ZNF347: variants seen among roughly 807,000 people sequenced by gnomAD.
ZNF347 encodes the protein zinc finger protein 347.
A neutral mutation model predicts 12.9 loss-of-function variants in ZNF347; 19 were observed. The ratio of observed to expected loss-of-function variants is 1.47; its 90% CI spans 1.03 to 2.16. The LOEUF is 2.16. Ranked by LOEUF, ZNF347 falls within the 30% of genes most tolerant of loss-of-function variation. ZNF347 has a pLI of 0.00. For synonymous variants in ZNF347, 328 were observed against 340.6 expected (o/e 0.96, Z 0.41); for missense variants, 1,005 against 990.6 (o/e 1.01, Z -0.19).
At position 53,136,345 on chromosome 19, in the gene ZNF347, A is replaced by G. The variant is rs937822568; in HGVS notation, c.*3963T>C. The G allele has an allele frequency of 2.6e-5, 4 of 152,066 alleles. No homozygotes were observed. The highest frequency in any genetic ancestry group is 9.7e-5 in the African/African-American group (4 of 41,400). 9.4% of individuals were successfully genotyped at this position (152,066 alleles called of 1,614,324 possible). A position where few individuals can be genotyped will look rare whatever the true frequency, so the allele number is the denominator to read the frequency against. On this transcript the variant is annotated 3_prime_UTR_variant, in exon 5 of 5. Coordinates refer to ENST00000334197, the MANE Select transcript of ZNF347 (RefSeq NM_032584.3). ...TCATTTATGTATTTTCTAAGTGTTC[A>G]CTGGAGTAACACAGAGAAGAAATGC... is the stretch of plus-strand genomic sequence containing the variant.
chr19:53,150,076 G>T (rs997068382), intron 2 of ZNF347, among the ~76,000 whole-genome samples: 1 of 152,186 alleles, frequency 6.6e-6, no homozygotes, highest in Non-Finnish European at 1.5e-5. Flanking sequence ...AGGGGGTCAT[G>T]GGAATTCATG....
chr19:53,140,713 T>C lies in ZNF347; in HGVS notation c.2115A>G (p.Gly705=), dbSNP rs754526998. ...KLARHQRVHT[G]EKPYECNQCG... ...ACTGATTACACTCATATGGTTTCTC[T>C]CCAGTATGAACTCTCTGATGCCTTG... The change falls in exon 5 of 5, where the codon GGA becomes GGG. Residue 705 remains glycine (G), a synonymous_variant. Transcript: ENST00000334197. The C allele has an allele frequency of 6.2e-7, 1 of 1,613,552 alleles. No homozygotes were observed. The highest frequency in any genetic ancestry group is 1.1e-5 in the South Asian group (1 of 91,024).
chr19:53,139,446 C>T lies in ZNF347; in HGVS notation c.*862G>A, dbSNP rs547910515. 6.6e-6 allele frequency: 1 copy of T among 152,262 alleles called. No individual in the cohort carries two copies. The highest frequency in any genetic ancestry group is 2.1e-4 in the South Asian group (1 of 4,824). 9.4% of individuals were successfully genotyped at this position (152,262 alleles called of 1,614,324 possible). A position where few individuals can be genotyped will look rare whatever the true frequency, so the allele number is the denominator to read the frequency against. On this transcript the variant is annotated 3_prime_UTR_variant, in exon 5 of 5. Transcript: ENST00000334197. ...AAGGTGCTTAAGGATGCAAAATAGCCACAGATCCATAGTTCAGGTTGAAAG... is the reference window on the plus strand; with the variant it reads ...AAGGTGCTTAAGGATGCAAAATAGCTACAGATCCATAGTTCAGGTTGAAAG...
intron 1 of ZNF347, among the ~76,000 whole-genome samples, chr19:53,156,949 G>A (rs2090539839): frequency 1.3e-5 from 2 of 152,182 alleles, no homozygotes; most frequent in South Asian, 4.1e-4. Context: ...ACATTTTCGT[G>A]AGTGGAGGCG....
intron 1 of ZNF347, among the ~76,000 whole-genome samples, chr19:53,156,051 G>T (rs866048779): frequency 7.2e-6 from 1 of 139,666 alleles, no homozygotes; most frequent in African/African-American, 2.7e-5. Flanking sequence ...AGCTCGGGGG[G>T]GGGGGGGGGT....
Position 53,135,655 on chromosome 19 carries a change from G to A in ZNF347, c.*4653C>T, listed in dbSNP as rs1467593487. 1.3e-5 allele frequency: 2 copies of A among 152,174 alleles called. No homozygotes were observed. The highest frequency in any genetic ancestry group is 2.9e-5 in the Non-Finnish European group (2 of 68,056). 9.4% of individuals were successfully genotyped at this position (152,174 alleles called of 1,614,324 possible). A position where few individuals can be genotyped will look rare whatever the true frequency, so the allele number is the denominator to read the frequency against. Reference sequence around the variant, plus strand: ...CCCAAAGTGCTGGGATTACAGGCATGAGCCACTGTGCCCAGCCTAATTTGA... The same window carrying A: ...CCCAAAGTGCTGGGATTACAGGCATAAGCCACTGTGCCCAGCCTAATTTGA... On this transcript the variant is annotated 3_prime_UTR_variant, in exon 5 of 5. Coordinates refer to ENST00000334197, the MANE Select transcript of ZNF347 (RefSeq NM_032584.3).
intron 1 of ZNF347, 78 bp from the exon 2 acceptor site, chr19:53,153,871 A>ATCCCC: frequency 9.4e-7 from 1 of 1,064,790 alleles, no homozygotes; most frequent in Non-Finnish European, 1.4e-6. Context: ...GAATCAACAC[A>ATCCCC]TCCCCTTCCT....
Position 53,148,776 on chromosome 19 carries a change from A to G in ZNF347, c.176T>C (p.Met59Thr), listed in dbSNP as rs542475240. ...ISCFDLSIIS[M>T]LEQGKEPFTL... ...GAAAGGCTCCTTCCCTTGCTCCAAC[A>G]TAGAGATAATACTGAGGTCAAAACA... The change falls in exon 4 of 5, where the codon ATG becomes ACG. Residue 59 changes from methionine to threonine, a missense_variant. By Grantham distance (81) the Met-to-Thr change is moderately conservative. Transcript: ENST00000334197. 1.5e-5 allele frequency: 25 copies of G among 1,614,076 alleles called. No homozygotes were observed. In the South Asian group the frequency reaches 2.6e-4, roughly 17 times the overall value.
chr19:53,143,418 C>T (rs1229144298), intron 4 of ZNF347, among the ~76,000 whole-genome samples: 8 of 137,274 alleles, frequency 5.8e-5, no homozygotes, highest in African/African-American at 8.1e-5. Flanking sequence ...TGATGTTCCC[C>T]TTCCTGTGTC....
chr19:53,153,494 T>C (rs1212566337), intron 2 of ZNF347, among the ~76,000 whole-genome samples: 2 of 152,134 alleles, frequency 1.3e-5, no homozygotes, highest in East Asian at 3.9e-4. Flanking sequence ...TCTCCATCCA[T>C]GTCTGGGTGT....
intron 1 of ZNF347, among the ~76,000 whole-genome samples, chr19:53,158,350 C>A (rs957416239): frequency 1.3e-5 from 2 of 152,130 alleles, no homozygotes; most frequent in Non-Finnish European, 2.9e-5. Context: ...TCGCCGGTAC[C>A]GGGGCTGAGG....
chr19:53,154,496 C>A (rs1197193876), intron 1 of ZNF347, among the ~76,000 whole-genome samples: 1 of 151,742 alleles, frequency 6.6e-6, no homozygotes, highest in African/African-American at 2.4e-5. Flanking sequence ...GCAATGAGTG[C>A]GGACAGAGAA....
At chr19:53,156,054 G>T (rs926722498) in intron 1 of ZNF347, among the ~76,000 whole-genome samples, 120 of 114,636 alleles carry the variant, frequency 1.0e-3, no homozygotes, top group South Asian at 2.0e-3. Context: ...TCGGGGGGGG[G>T]GGGGGGTTAG....
chr19:53,140,150 T>G lies in ZNF347; in HGVS notation c.*158A>C. 1 of 696,556 alleles carries G rather than the reference T, an allele frequency of 1.4e-6. No individual in the cohort carries two copies. The highest frequency in any genetic ancestry group is 2.1e-5 in the South Asian group (1 of 47,194). 43.1% of individuals were successfully genotyped at this position (696,556 alleles called of 1,614,324 possible). ...CCTGACCTCAGGTGATCCACCTGCCTCGGACTCCCAAAGTGTTGGGATTAC... is the reference window on the plus strand; with the variant it reads ...CCTGACCTCAGGTGATCCACCTGCCGCGGACTCCCAAAGTGTTGGGATTAC... On this transcript the variant is annotated 3_prime_UTR_variant, in exon 5 of 5. Transcript: ENST00000334197.
chr19:53,149,145 T>A (rs1305752790), intron 3 of ZNF347, 96 bp downstream of exon 3: 1 of 1,569,392 alleles, frequency 6.4e-7, no homozygotes, highest in Non-Finnish European at 8.6e-7. Context: ...AGCTTCAGTC[T>A]CAGCCAAGCA....
In ZNF347 at chr19:53,135,375, G is replaced by GAGAGAGAA. The variant is rs1555798717; in HGVS notation, c.*4932_*4933insTTCTCTCT. ...AGAGAGAGAGAGAGAGAGAAAGAGA[G>GAGAGAGAA]AGAGAGAGAGAGAGAGAGATGGAGT... On this transcript the variant is annotated 3_prime_UTR_variant, in exon 5 of 5. Transcript: ENST00000334197. 15 of 136,574 alleles carry GAGAGAGAA rather than the reference G, an allele frequency of 1.1e-4. No individual in the cohort carries two copies. Among genetic ancestry groups the GAGAGAGAA allele is most frequent in the African/African-American group, 4.2e-4 (15 of 35,800 alleles). 8.5% of individuals were successfully genotyped at this position (136,574 alleles called of 1,614,324 possible).
At position 53,149,254 on chromosome 19, in the gene ZNF347, G is replaced by C. The variant is rs1206648794; in HGVS notation, c.129C>G (p.Asn43Lys). ...AGTCATCCTCACCCAGGGAGGCCAG[G>C]TTCCTATAATTCTCCAACATCACGT... The part of the protein sequence containing the change: ...YRDVMLENYR[N>K]LASLGISCFD... The change falls in exon 3 of 5, where the codon AAC (asparagine) becomes AAG (lysine). Residue 43 changes from asparagine to lysine, a missense_variant. By Grantham distance (94) the Asn-to-Lys change is moderately conservative. Transcript: ENST00000334197. 2.5e-6 allele frequency: 4 copies of C among 1,612,952 alleles called. No homozygotes were observed. Among genetic ancestry groups the C allele is most frequent in the Non-Finnish European group, 2.5e-6 (3 of 1,179,698 alleles).
chr19:53,155,783 CTGGTA>C (rs1160598561), intron 1 of ZNF347, among the ~76,000 whole-genome samples: 3 of 152,130 alleles, frequency 2.0e-5, no homozygotes, highest in African/African-American at 7.2e-5. Flanking sequence ...GTGAGTGAGG[CTGGTA>C]CATGGTACAC....
chr19:53,154,425 G>A (rs1371714502), intron 1 of ZNF347, among the ~76,000 whole-genome samples: 1 of 152,138 alleles, frequency 6.6e-6, no homozygotes, highest in Non-Finnish European at 1.5e-5. Flanking sequence ...GGAGAGGCCT[G>A]CAGGTGACAT....
Sources: allele counts gnomAD v4.1 joint callset (sites outside exome capture counted in the v4.1 genomes callset), GRCh38; gene constraint gnomAD v4.1.1; transcripts MANE v1.5; gene names NCBI Gene and HGNC (gene_info 2026-07-23, HGNC 2026-07-21).